BACH2: variants seen among roughly 807,000 people sequenced by gnomAD.
BACH2 encodes the protein BACH transcriptional regulator 2.
Under a neutral mutation model 61.8 loss-of-function variants are expected in BACH2, and 5 were observed. The ratio of observed to expected loss-of-function variants is 0.08; its 90% CI spans 0.04 to 0.17. BACH2 has a LOEUF of 0.17. BACH2 is among the 10% of genes least tolerant of loss of function. The pLI is 1.00. For missense variants in BACH2, 824 were observed against 1,091.1 expected, an observed-to-expected ratio of 0.76 and a Z score of 3.45; for synonymous variants, 446 against 440.1, an observed-to-expected ratio of 1.01 and a Z score of -0.17.
intron 4 of BACH2, among the ~76,000 whole-genome samples, chr6:90,190,648 CA>C (rs1562495602): frequency 1.3e-5 from 2 of 152,240 alleles, no homozygotes; most frequent in African/African-American, 4.8e-5. Context: ...CTACAGACTT[CA>C]AAGATAATCT....
Position 90,008,529 on chromosome 6 carries a change from T to C in BACH2, c.243+73A>G. ...GGGACATGGCACCTAGTACATCTTCTAGCTCCTAGTCAGCCAGTTTTCTGT... is the reference window on the plus strand; with the variant it reads ...GGGACATGGCACCTAGTACATCTTCCAGCTCCTAGTCAGCCAGTTTTCTGT... On this transcript the variant is annotated intron_variant, in intron 6 of 8. Coordinates refer to ENST00000257749, the MANE Select transcript of BACH2 (RefSeq NM_021813.4). This position sits in a 1 kb window ranked among gnomAD's most constrained non-coding sequence, Gnocchi z 4.1. The C allele has an allele frequency of 6.3e-7, 1 of 1,582,248 alleles. No homozygotes were observed. Among genetic ancestry groups the C allele is most frequent in the East Asian group, 2.2e-5 (1 of 44,600 alleles).
rs371643628 is a variant in BACH2, at chr6:89,951,362, G to A, written c.744C>T (p.His248=). ...CTKNVYNASS[H]STSGFASTFR... ...ATGTGCTTGCAAAACCTGAGGTACT[G>A]TGTGATGATGCATTATAGACATTCT... The change falls in exon 7 of 9, where the codon CAC becomes CAT. Residue 248 remains histidine, a synonymous_variant. Transcript: ENST00000257749. This position sits in a 1 kb window ranked among gnomAD's most constrained non-coding sequence, Gnocchi z 6.4. 44 of 1,614,106 alleles carry A rather than the reference G, an allele frequency of 2.7e-5. No individual in the cohort carries two copies. Among genetic ancestry groups the A allele is most frequent in the Non-Finnish European group, 3.6e-5 (43 of 1,180,052 alleles).
At chr6:90,227,713 G>C (rs948908856) in intron 3 of BACH2, among the ~76,000 whole-genome samples, 1 of 151,960 alleles carries the variant, frequency 6.6e-6, no homozygotes, top group Non-Finnish European at 1.5e-5. Flanking sequence ...GCCTTGTTTG[G>C]TGATCTGAAA....
chr6:90,226,449 C>G (rs1052477131), intron 3 of BACH2, among the ~76,000 whole-genome samples: 3 of 152,122 alleles, frequency 2.0e-5, no homozygotes, highest in Non-Finnish European at 4.4e-5. Flanking sequence ...TGTAAACTCT[C>G]CCACCATGGC....
chr6:89,943,737 T>C (rs945143794), intron 7 of BACH2, among the ~76,000 whole-genome samples: 3 of 152,238 alleles, frequency 2.0e-5, no homozygotes, highest in East Asian at 1.9e-4. Context: ...ATATTTCCTG[T>C]AGAAATCTCA....
chr6:90,085,898 T>C (rs1379375841), intron 5 of BACH2, among the ~76,000 whole-genome samples: 3 of 152,174 alleles, frequency 2.0e-5, no homozygotes, highest in Admixed American at 2.0e-4. Context: ...TACATTCACA[T>C]TGTTGTGCAA....
At chr6:90,175,070 A>C (rs1352155673) in intron 4 of BACH2, among the ~76,000 whole-genome samples, 1 of 152,072 alleles carries the variant, frequency 6.6e-6, no homozygotes, top group African/African-American at 2.4e-5. Flanking sequence ...TGTTTTCTTT[A>C]TTTAATCCTT....
chr6:90,054,830 T>A (rs1303868294), intron 5 of BACH2, among the ~76,000 whole-genome samples: 1 of 152,202 alleles, frequency 6.6e-6, no homozygotes, highest in Non-Finnish European at 1.5e-5. Context: ...TCTGCTGTTC[T>A]GCAGCCACCG....
intron 5 of BACH2, among the ~76,000 whole-genome samples, chr6:90,079,106 C>T (rs767327363): frequency 1.3e-5 from 2 of 152,162 alleles, no homozygotes; most frequent in African/African-American, 2.4e-5. Context: ...ATGCTGGCGC[C>T]GCCTCTCTTT....
intron 7 of BACH2, among the ~76,000 whole-genome samples, chr6:89,948,459 C>T (rs1030053610): frequency 6.6e-6 from 1 of 152,140 alleles, no homozygotes; most frequent in Non-Finnish European, 1.5e-5. Context: ...CCACCCACCT[C>T]GGCCTCCCAA....
intron 4 of BACH2, among the ~76,000 whole-genome samples, chr6:90,199,177 T>G (rs917493230): frequency 6.6e-6 from 1 of 152,120 alleles, no homozygotes; most frequent in South Asian, 2.1e-4. Context: ...CTTGGAGAAG[T>G]AGACACCAGC....
At chr6:90,005,992 G>C (rs925511961) in intron 6 of BACH2, among the ~76,000 whole-genome samples, 1 of 152,148 alleles carries the variant, frequency 6.6e-6, no homozygotes, top group African/African-American at 2.4e-5. Flanking sequence ...ATTTTTGTGC[G>C]ATGTCTATAC....
At position 90,089,761 on chromosome 6, in the gene BACH2, GATAT is replaced by G. The variant is rs376938296; in HGVS notation, c.-161-656_-161-653del. 1.2e-3 allele frequency among the ~76,000 whole-genome samples: 182 copies of G among 152,248 alleles called. 2 individuals carry two copies. Among genetic ancestry groups the G allele is most frequent in the Non-Finnish European group, 2.0e-3 (139 of 68,010 alleles). On this transcript the variant is annotated intron_variant, in intron 4 of 8. Coordinates refer to ENST00000257749, the MANE Select transcript of BACH2 (RefSeq NM_021813.4). ...TCCTTCACCGAAACTCTTGGGGCCA[GATAT>G]ATTTCAGAATTCAGAATTTTTGGAT...
rs564706772 is a variant in BACH2, at chr6:89,948,112, T to TG, written c.1836+2157dup. 2.6e-5 allele frequency among the ~76,000 whole-genome samples: 4 copies of TG among 151,908 alleles called. No homozygotes were observed. The South Asian group carries it at 8.3e-4, about 32-fold the overall frequency. ...TCTTTTGGGATATTGGCGGCGAGGG[T>TG]GGGGGGACACAAAAGAAGATGTATC... On this transcript the variant is annotated intron_variant, in intron 7 of 8. Transcript: ENST00000257749.
chr6:90,155,774 T>C (rs1784976198), intron 4 of BACH2, among the ~76,000 whole-genome samples: 1 of 152,198 alleles, frequency 6.6e-6, no homozygotes, highest in Non-Finnish European at 1.5e-5. Context: ...GCTTATTTTC[T>C]GTTTTCCTCC....
intron 4 of BACH2, among the ~76,000 whole-genome samples, chr6:90,128,250 TG>T (rs1783940488): frequency 6.6e-6 from 1 of 152,180 alleles, no homozygotes; most frequent in African/African-American, 2.4e-5. Flanking sequence ...TACTAGGCTT[TG>T]GGGATTTTTT....
intron 7 of BACH2, among the ~76,000 whole-genome samples, chr6:89,939,595 A>G (rs189701924): frequency 6.6e-5 from 10 of 152,038 alleles, no homozygotes; most frequent in African/African-American, 2.4e-4. Context: ...AAGCGAGGAC[A>G]GCAGTCTCCT....
chr6:90,206,588 T>C lies in BACH2; in HGVS notation c.-181A>G, dbSNP rs930761115. On this transcript the variant is annotated 5_prime_UTR_variant, in exon 4 of 9. Coordinates refer to ENST00000257749, the MANE Select transcript of BACH2 (RefSeq NM_021813.4). ...TCTTACCTTGTTCATGCTGCAGGGA[T>C]GGGAGCAAGGGATCAGACATGTCAC... 1 of 152,388 alleles carries C rather than the reference T, an allele frequency of 6.6e-6. No individual in the cohort carries two copies. The highest frequency in any genetic ancestry group is 1.5e-5 in the Non-Finnish European group (1 of 68,076). 9.4% of individuals were successfully genotyped at this position (152,388 alleles called of 1,614,324 possible).
intron 3 of BACH2, among the ~76,000 whole-genome samples, chr6:90,218,521 A>C (rs1323991481): frequency 1.5e-5 from 2 of 131,096 alleles, no homozygotes; most frequent in East Asian, 4.3e-4. Context: ...TTTTTTTTTT[A>C]ATTTCCACTG....
Sources: allele counts gnomAD v4.1 joint callset (sites outside exome capture counted in the v4.1 genomes callset), GRCh38; gene constraint gnomAD v4.1.1; non-coding constraint Gnocchi (gnomAD v3.1); transcripts MANE v1.5; gene names NCBI Gene and HGNC (gene_info 2026-07-23, HGNC 2026-07-21).